GABRA3: variants seen among roughly 807,000 people sequenced by gnomAD.
GABRA3 encodes the protein gamma-aminobutyric acid type A receptor subunit alpha3.
GABRA3 carries 10 observed loss-of-function variants against 30.1 expected under a neutral mutation model. The ratio of observed to expected loss-of-function variants is 0.33; its 90% CI spans 0.20 to 0.56. The LOEUF is 0.56. Among genes scored for constraint, GABRA3 ranks in the 20% least tolerant of loss-of-function variants. The pLI is 0.89. For missense variants in GABRA3, 233 were observed against 392.0 expected (o/e 0.59, Z 3.42); for synonymous variants, 151 against 146.8 (o/e 1.03, Z -0.21).
chrX:152,402,606 T>C (rs1297906609), intron 1 of GABRA3, among the ~76,000 whole-genome samples: 1 of 111,499 alleles, frequency 9.0e-6, no homozygotes, highest in Admixed American at 9.6e-5. Flanking sequence ...TGGGTCCCTA[T>C]GCACCTTTCT....
intron 3 of GABRA3, among the ~76,000 whole-genome samples, chrX:152,296,703 CTT>C (rs1255241711): frequency 8.9e-5 from 9 of 100,686 alleles, no homozygotes; most frequent in Non-Finnish European, 1.0e-4. Flanking sequence ...TTTTCTTTCT[CTT>C]TTTTTTTTTT....
At chrX:152,182,800 T>TACACTATATA in intron 9 of GABRA3, among the ~76,000 whole-genome samples, 1 of 85,211 alleles carries the variant, frequency 1.2e-5, no homozygotes, top group Non-Finnish European at 2.2e-5. Context: ...ATACTATATA[T>TACACTATATA]GTATATATTT....
chrX:152,276,640 GAATGTAT>G (rs1939090685), intron 4 of GABRA3, among the ~76,000 whole-genome samples: 1 of 111,851 alleles, frequency 8.9e-6, no homozygotes, highest in African/African-American at 3.2e-5. Context: ...GAGAATGGAT[GAATGTAT>G]GACCACATAT....
intron 1 of GABRA3, among the ~76,000 whole-genome samples, chrX:152,374,638 C>T (rs1045686065): frequency 1.5e-4 from 17 of 111,738 alleles, no homozygotes; most frequent in Non-Finnish European, 3.0e-4. Flanking sequence ...GCGTGAGCCA[C>T]CGCGCTTGGC....
chrX:152,348,132 C>T (rs1157540194), intron 2 of GABRA3, among the ~76,000 whole-genome samples: 2 of 111,614 alleles, frequency 1.8e-5, no homozygotes, highest in African/African-American at 6.5e-5. Context: ...TGTGGGGAAG[C>T]AGATTTAATC....
At chrX:152,370,966 T>C (rs1196761292) in intron 1 of GABRA3, among the ~76,000 whole-genome samples, 1 of 110,662 alleles carries the variant, frequency 9.0e-6, no homozygotes. Flanking sequence ...ATAACATACA[T>C]AGTCCATAAT....
At chrX:152,273,945 G>T (rs1938995434) in intron 4 of GABRA3, among the ~76,000 whole-genome samples, 3 of 111,697 alleles carry the variant, frequency 2.7e-5, no homozygotes, top group Admixed American at 1.9e-4. Flanking sequence ...GAAACACAAT[G>T]TGGCTATATG....
At chrX:152,444,465 T>C (rs1329262676) in intron 1 of GABRA3, among the ~76,000 whole-genome samples, 1 of 111,506 alleles carries the variant, frequency 9.0e-6, no homozygotes, top group African/African-American at 3.3e-5. Flanking sequence ...AGAAGACAGA[T>C]TGCAGGTCAG....
rs901666030 is a variant in GABRA3, at chrX:152,367,228, TA to T, written c.-26-2633del. Among the ~76,000 whole-genome samples the T allele has an allele frequency of 2.7e-4, 29 of 107,023 alleles. 1 individual carries two copies. In the South Asian group the frequency reaches 4.4e-3, roughly 16 times the overall value. 92.9% of individuals were successfully genotyped at this position (107,023 alleles called of 115,157 possible). A position where few individuals can be genotyped will look rare whatever the true frequency, so the allele number is the denominator to read the frequency against. On this transcript the variant is annotated intron_variant, in intron 1 of 9. Transcript: ENST00000370314. Reference sequence around the variant, plus strand: ...TGTATGCTTATATAAGTACAGTACATAAAAAAAAAATGTCCTGTGAGTTTAC... The same window carrying T: ...TGTATGCTTATATAAGTACAGTACATAAAAAAAAATGTCCTGTGAGTTTAC...
intron 1 of GABRA3, among the ~76,000 whole-genome samples, chrX:152,417,953 C>T (rs1185616112): frequency 9.9e-6 from 1 of 101,454 alleles, no homozygotes; most frequent in African/African-American, 3.6e-5. Context: ...TGCAGTGCAC[C>T]AGCATGGCAC....
At chrX:152,235,875 C>T (rs189266478) in intron 5 of GABRA3, among the ~76,000 whole-genome samples, 14 of 106,492 alleles carry the variant, frequency 1.3e-4, no homozygotes, top group African/African-American at 4.4e-4. Flanking sequence ...TTGTATGGAA[C>T]CAAAAAAGTC....
chrX:152,350,047 T>C (rs1442573742), intron 2 of GABRA3, among the ~76,000 whole-genome samples: 1 of 85,971 alleles, frequency 1.2e-5, no homozygotes, highest in Non-Finnish European at 2.2e-5. Flanking sequence ...ATTGACCACA[T>C]AGTTGGAAGT....
At chrX:152,359,926 T>C (rs1928432687) in intron 2 of GABRA3, among the ~76,000 whole-genome samples, 1 of 111,062 alleles carries the variant, frequency 9.0e-6, no homozygotes. Flanking sequence ...AAAATGTTTC[T>C]AATTCTTGCG....
intron 9 of GABRA3, among the ~76,000 whole-genome samples, chrX:152,174,626 T>G (rs1160646450): frequency 1.8e-5 from 2 of 112,121 alleles, no homozygotes; most frequent in African/African-American, 6.5e-5. Context: ...TCACCCACTT[T>G]TTGATGGAGT....
intron 1 of GABRA3, among the ~76,000 whole-genome samples, chrX:152,428,169 T>C (rs1207501802): frequency 8.9e-6 from 1 of 112,264 alleles, no homozygotes; most frequent in Admixed American, 9.4e-5. Context: ...CTGTCTCATT[T>C]GTATAATCTC....
chrX:152,342,166 C>T (rs1390251790), intron 3 of GABRA3, among the ~76,000 whole-genome samples: 2 of 112,632 alleles, frequency 1.8e-5, no homozygotes, highest in Admixed American at 9.4e-5. Flanking sequence ...CCACCACGCC[C>T]GGCCCTATTG....
chrX:152,237,719 G>A (rs1485235668), intron 5 of GABRA3, among the ~76,000 whole-genome samples: 2 of 105,604 alleles, frequency 1.9e-5, no homozygotes, highest in Non-Finnish European at 1.9e-5. Flanking sequence ...TCCCTTGTAA[G>A]TTGGATTCCT....
At chrX:152,290,229 A>G (rs966088271) in intron 3 of GABRA3, among the ~76,000 whole-genome samples, 5 of 111,592 alleles carry the variant, frequency 4.5e-5, no homozygotes, top group African/African-American at 1.3e-4. Flanking sequence ...ATGGTACCCC[A>G]TTGTGGTTTT....
At chrX:152,238,026 T>C (rs1193604603) in intron 5 of GABRA3, among the ~76,000 whole-genome samples, 1 of 108,815 alleles carries the variant, frequency 9.2e-6, no homozygotes, top group Non-Finnish European at 1.9e-5. Flanking sequence ...CTTCCAACAC[T>C]ATGTTGAATA....
Sources: allele counts gnomAD v4.1 joint callset (sites outside exome capture counted in the v4.1 genomes callset), GRCh38; gene constraint gnomAD v4.1.1; transcripts MANE v1.5; gene names NCBI Gene and HGNC (gene_info 2026-07-23, HGNC 2026-07-21).